ERC1: variants seen among roughly 807,000 people sequenced by gnomAD.
ERC1 encodes ELKS/RAB6-interacting/CAST family member 1, also known as RAB6 interacting protein 2.
A neutral mutation model predicts 132.0 loss-of-function variants in ERC1; 56 were observed. The observed-to-expected ratio is 0.42, with a 90% CI of 0.34 to 0.53. The LOEUF is 0.53. Ranked by LOEUF, ERC1 falls within the 20% of genes least tolerant of loss-of-function variation. The pLI, the probability that ERC1 is intolerant of heterozygous loss-of-function variation, is 0.03. For missense variants in ERC1, 1,202 were observed against 1,349.9 expected (o/e 0.89, Z 1.72); for synonymous variants, 478 against 476.1 (o/e 1.00, Z -0.05).
At chr12:1,134,705 C>A (rs1593583194) in intron 7 of ERC1, among the ~76,000 whole-genome samples, 1 of 149,248 alleles carries the variant, frequency 6.7e-6, no homozygotes, top group African/African-American at 2.5e-5. Context: ...AATAAAAACT[C>A]AATAATTGGG....
At chr12:1,341,678 G>A (rs2083914381) in intron 15 of ERC1, among the ~76,000 whole-genome samples, 1 of 151,508 alleles carries the variant, frequency 6.6e-6, no homozygotes, top group East Asian at 1.9e-4. Flanking sequence ...GGGGGTTGGG[G>A]GAGGGATAGC....
chr12:1,402,520 C>G (rs1246164245), intron 16 of ERC1, among the ~76,000 whole-genome samples: 3 of 150,832 alleles, frequency 2.0e-5, no homozygotes, highest in Non-Finnish European at 4.4e-5. Flanking sequence ...GAGAGACTGT[C>G]TCAAAAAAAA....
At chr12:1,424,162 G>T (rs1207735077) in intron 17 of ERC1, among the ~76,000 whole-genome samples, 1 of 152,026 alleles carries the variant, frequency 6.6e-6, no homozygotes, top group Non-Finnish European at 1.5e-5. Context: ...ACTGAGCGTT[G>T]GTCCTAGCCT....
Position 1,100,329 on chromosome 12 carries a change from G to A in ERC1, c.1087-4421G>A, listed in dbSNP as rs536320907. Among the ~76,000 whole-genome samples the A allele has an allele frequency of 7.7e-4, 117 of 152,342 alleles. 5 individuals carry two copies. The South Asian group carries it at 0.024, about 31-fold the overall frequency. On this transcript the variant is annotated intron_variant, in intron 3 of 18. Transcript: ENST00000360905. ...GAGTATAAGAGATGAGGCCAGAGAGGTAACAGGGCCGGATCATGTAGAGCC... is the reference window on the plus strand; with the variant it reads ...GAGTATAAGAGATGAGGCCAGAGAGATAACAGGGCCGGATCATGTAGAGCC...
At chr12:1,037,228 T>A (rs940271572) in intron 2 of ERC1, among the ~76,000 whole-genome samples, 2 of 152,226 alleles carry the variant, frequency 1.3e-5, no homozygotes, top group Non-Finnish European at 2.9e-5. Context: ...TCACTTTTTA[T>A]TTTCCTCTGT....
intron 2 of ERC1, among the ~76,000 whole-genome samples, chr12:1,057,150 G>T (rs1022656717): frequency 4.6e-5 from 7 of 151,722 alleles, no homozygotes; most frequent in Admixed American, 6.6e-5. Flanking sequence ...TGTTTGTTTT[G>T]TTTTTTTTGA....
chr12:1,301,724 C>G (rs2080417797), intron 15 of ERC1, among the ~76,000 whole-genome samples: 1 of 152,004 alleles, frequency 6.6e-6, no homozygotes, highest in African/African-American at 2.4e-5. Flanking sequence ...GAGTACTAGA[C>G]CTAATACCTG....
At chr12:1,025,175 T>C (rs1416200886) in intron 1 of ERC1, among the ~76,000 whole-genome samples, 2 of 152,196 alleles carry the variant, frequency 1.3e-5, no homozygotes, top group Admixed American at 1.3e-4. Flanking sequence ...GTTATACTTG[T>C]AGAGTATGAA....
chr12:1,173,148 T>A (rs920729129), intron 8 of ERC1, among the ~76,000 whole-genome samples: 3 of 152,240 alleles, frequency 2.0e-5, no homozygotes. Flanking sequence ...AAATCATTTA[T>A]GGAAAGATGC....
intron 12 of ERC1, among the ~76,000 whole-genome samples, chr12:1,208,295 G>A (rs1957526550): frequency 1.3e-5 from 2 of 151,948 alleles, no homozygotes; most frequent in East Asian, 1.9e-4. Flanking sequence ...GCTCAGGTCA[G>A]CTTTGAATAT....
At chr12:1,137,104 T>TC (rs1301289261) in intron 7 of ERC1, among the ~76,000 whole-genome samples, 5 of 144,758 alleles carry the variant, frequency 3.5e-5, no homozygotes, top group African/African-American at 5.2e-5. Context: ...TCTTTTCTTT[T>TC]TTTTTTTTTT....
At chr12:1,023,246 A>G (rs1966637190) in intron 1 of ERC1, among the ~76,000 whole-genome samples, 1 of 152,182 alleles carries the variant, frequency 6.6e-6, no homozygotes. Context: ...GAAGAGGATC[A>G]ATTTAAGAGG....
chr12:1,294,561 ACTC>A (rs1186680191), intron 15 of ERC1, among the ~76,000 whole-genome samples: 2 of 151,870 alleles, frequency 1.3e-5, no homozygotes, highest in African/African-American at 2.4e-5. Flanking sequence ...TCTGTCATCT[ACTC>A]CTCACAAAAG....
chr12:1,196,505 T>C, intron 12 of ERC1, among the ~76,000 whole-genome samples: 1 of 151,610 alleles, frequency 6.6e-6, no homozygotes. Flanking sequence ...AGGTTTTTTT[T>C]TTTTTTTTGA....
intron 17 of ERC1, among the ~76,000 whole-genome samples, chr12:1,426,392 A>C (rs1262649433): frequency 6.6e-6 from 1 of 152,214 alleles, no homozygotes; most frequent in Non-Finnish European, 1.5e-5. Flanking sequence ...GGTATGAGCC[A>C]CTTTGCCCGG....
chr12:1,394,029 A>C (rs887213163), intron 16 of ERC1, among the ~76,000 whole-genome samples: 3 of 119,364 alleles, frequency 2.5e-5, no homozygotes, highest in Non-Finnish European at 5.3e-5. Context: ...AAAAAAAAAA[A>C]AAAACAAAAA....
intron 12 of ERC1, among the ~76,000 whole-genome samples, chr12:1,214,451 A>G (rs1005653417): frequency 2.6e-5 from 4 of 152,140 alleles, no homozygotes; most frequent in Non-Finnish European, 5.9e-5. Context: ...TTATTATGGT[A>G]TTATATTTAG....
chr12:1,416,452 G>A (rs2092122764), intron 17 of ERC1, among the ~76,000 whole-genome samples: 1 of 152,196 alleles, frequency 6.6e-6, no homozygotes, highest in Admixed American at 6.5e-5. Flanking sequence ...GTGAAACAGA[G>A]GGTGTCTGTC....
intron 2 of ERC1, among the ~76,000 whole-genome samples, chr12:1,065,378 A>G: frequency 6.7e-6 from 1 of 149,192 alleles, no homozygotes. Context: ...TTTTTATTTC[A>G]CTCATTGAAT....
Sources: allele counts gnomAD v4.1 joint callset (sites outside exome capture counted in the v4.1 genomes callset), GRCh38; gene constraint gnomAD v4.1.1; transcripts MANE v1.5; gene names NCBI Gene and HGNC (gene_info 2026-07-23, HGNC 2026-07-21).